TMEM60: variants seen among roughly 807,000 people sequenced by gnomAD.
TMEM60 encodes the protein chromosome 7 open reading frame 35.
A neutral mutation model predicts 10.7 loss-of-function variants in TMEM60; 4 were observed. The observed-to-expected ratio is 0.37, with a 90% CI of 0.18 to 0.86. The LOEUF (loss-of-function observed/expected upper bound fraction) is 0.86. Among genes scored for constraint, TMEM60 ranks in the 40% least tolerant of loss-of-function variants. TMEM60 has a pLI of 0.43. For synonymous variants in TMEM60, 56 were observed against 58.1 expected (o/e 0.96, Z 0.17); for missense variants, 128 against 153.4 (o/e 0.83, Z 0.88).
intron 1 of TMEM60, among the ~76,000 whole-genome samples, chr7:77,796,639 G>A (rs1792169907): frequency 6.6e-6 from 1 of 152,194 alleles, no homozygotes; most frequent in Non-Finnish European, 1.5e-5. Context: ...ACAGAAATAA[G>A]CCAATGGGGA....
In TMEM60 at chr7:77,794,200, A is replaced by T. The variant is rs749798739; in HGVS notation, c.174T>A (p.Ala58=). 1 of 1,613,928 alleles carries T rather than the reference A, an allele frequency of 6.2e-7. No individual in the cohort carries two copies. Among genetic ancestry groups the T allele is most frequent in the Non-Finnish European group, 8.5e-7 (1 of 1,179,966 alleles). ...ILLVLLIVKM[A]GRCKSGFDPR... ...GGTCAAAGCCAGACTTACACCGCCC[A>T]GCCATTTTCACAATCAGCAGGACAA... Residue 58 remains alanine, a synonymous_variant, in exon 2 of 2, where the codon GCT becomes GCA. Coordinates refer to ENST00000257663, the MANE Select transcript of TMEM60 (RefSeq NM_032936.4).
chr7:77,794,321 A>G lies in TMEM60; in HGVS notation c.53T>C (p.Leu18Pro). The change falls in exon 2 of 2, where the codon CTC becomes CCC. Residue 18 changes from leucine to proline, a missense_variant. Coordinates refer to ENST00000257663, the MANE Select transcript of TMEM60 (RefSeq NM_032936.4). ...RVLLTWLFTLLFLIMLVLKLD... is the reference protein window; with the variant it reads ...RVLLTWLFTLPFLIMLVLKLD... The stretch of plus-strand genomic sequence containing the variant: ...TTTCAACACCAACATGATCAAGAAG[A>G]GTAGTGTGAAAAGCCAGGTGAGTAG... 1 of 1,607,582 alleles carries G rather than the reference A, an allele frequency of 6.2e-7. No homozygotes were observed. Among genetic ancestry groups the G allele is most frequent in the Non-Finnish European group, 8.5e-7 (1 of 1,177,494 alleles).
rs1384077234 is a variant in TMEM60, at chr7:77,793,923, A to G, written c.*49T>C. 1 of 1,495,854 alleles carries G rather than the reference A, an allele frequency of 6.7e-7. No homozygotes were observed. Among genetic ancestry groups the G allele is most frequent in the Non-Finnish European group, 8.9e-7 (1 of 1,124,648 alleles). The allele number at this position is 1,495,854 out of a possible 1,614,324, so 92.7% of individuals were successfully genotyped here. On this transcript the variant is annotated 3_prime_UTR_variant, in exon 2 of 2. Transcript: ENST00000257663. ...AAGCTTGACAGATTCAGAACACTTTAATGGTAACTTGTTGAACAGCAATAG... is the reference window on the plus strand; with the variant it reads ...AAGCTTGACAGATTCAGAACACTTTGATGGTAACTTGTTGAACAGCAATAG...
chr7:77,794,017 C>A lies in TMEM60; in HGVS notation c.357G>T (p.Gly119=), dbSNP rs751835205. The A allele has an allele frequency of 1.9e-6, 3 of 1,597,382 alleles. No homozygotes were observed. The highest frequency in any genetic ancestry group is 2.6e-6 in the Non-Finnish European group (3 of 1,174,876). Residue 119 remains glycine (G), a synonymous_variant, in exon 2 of 2, where the codon GGG becomes GGT. Transcript: ENST00000257663. ...VFIPLWALLA[G]ALTELGYNVF... ...CATTATATCCGAGTTCTGTTAAAGCCCCAGCCAGCAAGGCCCATAAAGGAA... is the reference window on the plus strand; with the variant it reads ...CATTATATCCGAGTTCTGTTAAAGCACCAGCCAGCAAGGCCCATAAAGGAA...
chr7:77,796,510 A>G (rs1792168520), intron 1 of TMEM60, among the ~76,000 whole-genome samples: 1 of 152,218 alleles, frequency 6.6e-6, no homozygotes, highest in African/African-American at 2.4e-5. Flanking sequence ...AGACCAAGAA[A>G]TGGAAACAAT....
chr7:77,797,009 T>A (rs914693401), intron 1 of TMEM60, among the ~76,000 whole-genome samples: 1 of 152,226 alleles, frequency 6.6e-6, no homozygotes, highest in African/African-American at 2.4e-5. Context: ...AAAGGCTTCA[T>A]ACTGCAGTAA....
chr7:77,798,073 G>A (rs928345503), intron 1 of TMEM60, among the ~76,000 whole-genome samples, 181 bp downstream of exon 1: 1 of 152,210 alleles, frequency 6.6e-6, no homozygotes, highest in Non-Finnish European at 1.5e-5. Context: ...TGTAAGCCCA[G>A]CACATGCTGG....
rs754544485 is a variant in TMEM60, at chr7:77,794,192, C to A, written c.182G>T (p.Cys61Phe). 33 of 1,613,576 alleles carry A rather than the reference C, an allele frequency of 2.0e-5. No homozygotes were observed. The highest frequency in any genetic ancestry group is 2.3e-5 in the Non-Finnish European group (27 of 1,179,922). ...VLLIVKMAGR[C>F]KSGFDPRHGS... ...ATGTCGAGGGTCAAAGCCAGACTTA[C>A]ACCGCCCAGCCATTTTCACAATCAG... Residue 61 changes from cysteine to phenylalanine, a missense_variant, in exon 2 of 2, where the codon TGT becomes TTT. Coordinates refer to ENST00000257663, the MANE Select transcript of TMEM60 (RefSeq NM_032936.4).
Position 77,794,398 on chromosome 7 carries a change from C to A in TMEM60, c.-25G>T. 6.9e-7 allele frequency: 1 copy of A among 1,453,572 alleles called. No individual in the cohort carries two copies. The highest frequency in any genetic ancestry group is 9.1e-7 in the Non-Finnish European group (1 of 1,103,252). The allele number at this position is 1,453,572 out of a possible 1,614,324, so 90.0% of individuals were successfully genotyped here. A position where few individuals can be genotyped will look rare whatever the true frequency, so the allele number is the denominator to read the frequency against. ...TTTAAACAGTTTAAAGAGGCTGTTG[C>A]AGGATCGGAAAAAAGGAAATATACC... On this transcript the variant is annotated 5_prime_UTR_variant, in exon 2 of 2. Coordinates refer to ENST00000257663, the MANE Select transcript of TMEM60 (RefSeq NM_032936.4).
In TMEM60 at chr7:77,794,209, C is replaced by G. The variant is rs1202448622; in HGVS notation, c.165G>C (p.Val55=). 6.2e-7 allele frequency: 1 copy of G among 1,613,760 alleles called. No homozygotes were observed. The highest frequency in any genetic ancestry group is 8.5e-7 in the Non-Finnish European group (1 of 1,179,940). Residue 55 remains valine, a synonymous_variant, in exon 2 of 2, where the codon GTG becomes GTC. Transcript: ENST00000257663. ...FDTILLVLLI[V]KMAGRCKSGF... ...CAGACTTACACCGCCCAGCCATTTT[C>G]ACAATCAGCAGGACAAGAAGGATAG...
Position 77,794,443 on chromosome 7 carries a change from T to A in TMEM60, c.-50-20A>T. On this transcript the variant is annotated intron_variant, in intron 1 of 1. Coordinates refer to ENST00000257663, the MANE Select transcript of TMEM60 (RefSeq NM_032936.4). Reference sequence around the variant, plus strand: ...TATACCCTAAGAGAAGGAGAAAAAGTCAAGATTGTTTTGATACCAGAAAAA... The same window carrying A: ...TATACCCTAAGAGAAGGAGAAAAAGACAAGATTGTTTTGATACCAGAAAAA... 7.2e-7 allele frequency: 1 copy of A among 1,397,286 alleles called. No homozygotes were observed. Among genetic ancestry groups the A allele is most frequent in the Non-Finnish European group, 9.3e-7 (1 of 1,071,230 alleles). 86.6% of individuals were successfully genotyped at this position (1,397,286 alleles called of 1,614,324 possible).
Position 77,794,088 on chromosome 7 carries a change from C to T in TMEM60, c.286G>A (p.Ala96Thr), listed in dbSNP as rs1262850827. ...ATGGTAGTAAACTGTTCCAGTTTAG[C>T]ACAGAGTGCGAGGCAGAAGGCTAAT... ...LKLAFCLALC[A>T]KLEQFTTMNL... The change falls in exon 2 of 2, where the codon GCT (alanine) becomes ACT (threonine). Residue 96 changes from alanine to threonine, a missense_variant. Ala to Thr is a moderately conservative substitution (Grantham distance 58). Coordinates refer to ENST00000257663, the MANE Select transcript of TMEM60 (RefSeq NM_032936.4). 7.4e-6 allele frequency: 12 copies of T among 1,614,022 alleles called. No individual in the cohort carries two copies. Among genetic ancestry groups the T allele is most frequent in the Non-Finnish European group, 8.5e-7 (1 of 1,180,010 alleles).
At chr7:77,796,918 A>G (rs1290344530) in intron 1 of TMEM60, among the ~76,000 whole-genome samples, 2 of 152,218 alleles carry the variant, frequency 1.3e-5, no homozygotes, top group African/African-American at 2.4e-5. Flanking sequence ...TTCTATTTCA[A>G]CAGTTAAGTA....
chr7:77,793,922 T>G lies in TMEM60; in HGVS notation c.*50A>C, dbSNP rs1450950759. 6 of 1,496,540 alleles carry G rather than the reference T, an allele frequency of 4.0e-6. No homozygotes were observed. The highest frequency in any genetic ancestry group is 5.3e-6 in the Non-Finnish European group (6 of 1,125,230). The allele number at this position is 1,496,540 out of a possible 1,614,324, so 92.7% of individuals were successfully genotyped here. A position where few individuals can be genotyped will look rare whatever the true frequency, so the allele number is the denominator to read the frequency against. On this transcript the variant is annotated 3_prime_UTR_variant, in exon 2 of 2. Coordinates refer to ENST00000257663, the MANE Select transcript of TMEM60 (RefSeq NM_032936.4). ...GAAGCTTGACAGATTCAGAACACTTTAATGGTAACTTGTTGAACAGCAATA... is the reference window on the plus strand; with the variant it reads ...GAAGCTTGACAGATTCAGAACACTTGAATGGTAACTTGTTGAACAGCAATA...
rs759653661 is a variant in TMEM60 at position 77,794,141 on chromosome 7, G to T, written c.233C>A (p.Ala78Asp). The change falls in exon 2 of 2, where the codon GCC becomes GAC. Residue 78 changes from alanine (A) to aspartate (D), a missense_variant. By Grantham distance (126) the Ala-to-Asp change is moderately radical. Coordinates refer to ENST00000257663, the MANE Select transcript of TMEM60 (RefSeq NM_032936.4). ...AAGTAACATTGCAATGAGGTACCAG[G>T]CTTTTTTTTTAATATTGTGTGATCC... ...RHGSHNIKKK[A>D]WYLIAMLLKL... 6.2e-7 allele frequency: 1 copy of T among 1,613,640 alleles called. No homozygotes were observed. The highest frequency in any genetic ancestry group is 8.5e-7 in the Non-Finnish European group (1 of 1,179,934).
At chr7:77,794,741 A>G (rs928548690) in intron 1 of TMEM60, among the ~76,000 whole-genome samples, 1 of 152,206 alleles carries the variant, frequency 6.6e-6, no homozygotes, top group Admixed American at 6.5e-5. Flanking sequence ...GATGTTCTTA[A>G]TCTTCCTATA....
intron 1 of TMEM60, among the ~76,000 whole-genome samples, chr7:77,796,575 G>A (rs555690068): frequency 1.8e-4 from 27 of 152,212 alleles, no homozygotes; most frequent in Admixed American, 7.2e-4. Context: ...GAAAGATAGG[G>A]TATATGAAAC....
intron 1 of TMEM60, among the ~76,000 whole-genome samples, chr7:77,796,801 T>C (rs1284529545): frequency 6.6e-6 from 1 of 152,232 alleles, no homozygotes; most frequent in Non-Finnish European, 1.5e-5. Context: ...CCAAATACCC[T>C]AGATTAGCGT....
chr7:77,795,705 A>G (rs1792161017), intron 1 of TMEM60, among the ~76,000 whole-genome samples: 1 of 152,134 alleles, frequency 6.6e-6, no homozygotes, highest in Non-Finnish European at 1.5e-5. Context: ...GGTGGTGTAT[A>G]TATGTATTTT....
Sources: allele counts gnomAD v4.1 joint callset (sites outside exome capture counted in the v4.1 genomes callset), GRCh38; gene constraint gnomAD v4.1.1; transcripts MANE v1.5; gene names NCBI Gene and HGNC (gene_info 2026-07-23, HGNC 2026-07-21).